The following JAK1 variants were observed in gnomAD, a reference collection of about 807,000 sequenced individuals.
JAK1 encodes tyrosine-protein kinase JAK1.
A neutral mutation model predicts 136.6 loss-of-function variants in JAK1; 16 were observed. That is an observed-to-expected ratio of 0.12 (90% confidence interval 0.08 to 0.18). The LOEUF (loss-of-function observed/expected upper bound fraction) is 0.18. JAK1 is among the 10% of genes least tolerant of loss of function. The pLI is 1.00. For missense variants in JAK1, 859 were observed against 1,450.1 expected (o/e 0.59, Z 6.62); for synonymous variants, 492 against 519.5 (o/e 0.95, Z 0.72).
upstream of JAK1, among the ~76,000 whole-genome samples, chr1:64,970,761 C>CAA (rs397862455): frequency 0.016 from 1,465 of 91,174 alleles, 41 homozygotes; most frequent in African/African-American, 0.046. Flanking sequence ...GACTCTGTCT[C>CAA]AAAAAAAAAA....
chr1:64,931,834 TAC>T (rs1457940219), intron 1 of JAK1, among the ~76,000 whole-genome samples: 2 of 152,090 alleles, frequency 1.3e-5, no homozygotes, highest in African/African-American at 4.8e-5. Flanking sequence ...ATACATAATG[TAC>T]ACACACAGAG....
At chr1:64,975,209 C>A (rs1467982337) in intron 2 of JAK1, among the ~76,000 whole-genome samples, 3 of 152,112 alleles carry the variant, frequency 2.0e-5, no homozygotes, top group African/African-American at 7.2e-5. Flanking sequence ...AGGTGATCAG[C>A]CTTAGCCTCC....
intron 20 of JAK1, among the ~76,000 whole-genome samples, chr1:64,838,886 T>C (rs186844951): frequency 6.1e-4 from 93 of 152,046 alleles, no homozygotes; most frequent in Middle Eastern, 3.4e-3. Flanking sequence ...TGGCTCACGC[T>C]TGTAATCCCA....
At position 64,834,429 on chromosome 1, in the gene JAK1, T is replaced by G. The variant is rs1384779264; in HGVS notation, c.*133A>C. 1.7e-5 allele frequency: 11 copies of G among 639,166 alleles called. No homozygotes were observed. Among genetic ancestry groups the G allele is most frequent in the Non-Finnish European group, 3.1e-5 (11 of 352,316 alleles). The allele number at this position is 639,166 out of a possible 1,614,324, so 39.6% of individuals were successfully genotyped here. On this transcript the variant is annotated 3_prime_UTR_variant, in exon 25 of 25. Transcript: ENST00000342505. Reference sequence around the variant, plus strand: ...GTGTGCCTTATACATGTATATGTACTGAAGTATGAGTTCAGTGACTTTTTG... The same window carrying G: ...GTGTGCCTTATACATGTATATGTACGGAAGTATGAGTTCAGTGACTTTTTG...
chr1:65,052,690 T>C (rs1647335356), intron 1 of JAK1, among the ~76,000 whole-genome samples: 1 of 151,952 alleles, frequency 6.6e-6, no homozygotes, highest in Non-Finnish European at 1.5e-5. Flanking sequence ...GGTGGGTGCC[T>C]GTAGTTCCAG....
Position 64,860,189 on chromosome 1 carries a change from G to A in JAK1, c.1250C>T (p.Ala417Val), listed in dbSNP as rs777303853. 6.2e-7 allele frequency: 1 copy of A among 1,611,124 alleles called. No homozygotes were observed. The highest frequency in any genetic ancestry group is 1.1e-5 in the South Asian group (1 of 90,788). The change falls in exon 9 of 25, where the codon GCA becomes GTA. Residue 417 changes from alanine to valine, a missense_variant. Ala to Val is a moderately conservative substitution (Grantham distance 64, BLOSUM62 0). Around this residue, in one of 4 missense-constraint regions of JAK1, gnomAD observed 409 missense variants for 753.8 expected, o/e 0.54. Transcript: ENST00000342505. Reference sequence around the variant, plus strand: ...GGTGCAGAGGTAATGATGGGCATCTGCTGTGAGCCGGAAGTAGCCATCTAC... The same window carrying A: ...GGTGCAGAGGTAATGATGGGCATCTACTGTGAGCCGGAAGTAGCCATCTAC... ...SLVDGYFRLT[A>V]DAHHYLCTDV... is the part of the protein sequence containing the mutation.
At chr1:64,989,029 T>TATAC (rs1343047707) in intron 2 of JAK1, among the ~76,000 whole-genome samples, 1 of 135,144 alleles carries the variant, frequency 7.4e-6, no homozygotes, top group Non-Finnish European at 1.5e-5. Context: ...TATATATATA[T>TATAC]AAAATACAGA....
At chr1:64,856,103 T>C (rs919475005) in intron 10 of JAK1, among the ~76,000 whole-genome samples, 2 of 152,138 alleles carry the variant, frequency 1.3e-5, no homozygotes, top group Non-Finnish European at 2.9e-5. Flanking sequence ...ATATATGAGG[T>C]AATAATTATG....
intron 8 of JAK1, among the ~76,000 whole-genome samples, chr1:64,861,095 A>T (rs1308078535): frequency 6.6e-6 from 1 of 152,022 alleles, no homozygotes; most frequent in African/African-American, 2.4e-5. Flanking sequence ...GAGGCACAAA[A>T]GTGGAGGTGG....
chr1:65,025,271 C>T (rs187028906), intron 2 of JAK1, among the ~76,000 whole-genome samples: 38 of 152,256 alleles, frequency 2.5e-4, no homozygotes, highest in Non-Finnish European at 2.5e-4. Flanking sequence ...ATTCCCGAAG[C>T]AATGGTTAGA....
At position 64,984,774 on chromosome 1, in the gene JAK1, G is replaced by T; in HGVS notation, c.-78+59706C>A. On this transcript the variant is annotated intron_variant, in intron 2 of 25. Transcript: ENST00000671954. The surrounding 1 kb of genome is among the most constrained non-coding windows in gnomAD (Gnocchi z 4.1). ...TTTGAAGAAGGTAAAGATCAAGAAG[G>T]TAATGAGGAAGTCGGTGAAGATAAT... The T allele has an allele frequency of 6.0e-6, 6 of 1,006,320 alleles. No individual in the cohort carries two copies. The highest frequency in any genetic ancestry group is 9.1e-6 in the Non-Finnish European group (6 of 662,462). The allele number at this position is 1,006,320 out of a possible 1,614,324, so 62.3% of individuals were successfully genotyped here. A position where few individuals can be genotyped will look rare whatever the true frequency, so the allele number is the denominator to read the frequency against.
intron 11 of JAK1, among the ~76,000 whole-genome samples, chr1:64,852,174 A>G (rs1655643179): frequency 6.6e-6 from 1 of 152,122 alleles, no homozygotes; most frequent in Non-Finnish European, 1.5e-5. Flanking sequence ...ATACACATTA[A>G]CTCCTTTGTC....
At chr1:64,883,592 G>C in intron 2 of JAK1, 117 bp from the exon 3 acceptor site, 1 of 753,200 alleles carries the variant, frequency 1.3e-6, no homozygotes, top group Non-Finnish European at 2.2e-6. Flanking sequence ...TATTGGATAC[G>C]TACCTCTCCC....
intron 2 of JAK1, among the ~76,000 whole-genome samples, chr1:65,016,148 C>G (rs972677545): frequency 6.6e-6 from 1 of 152,072 alleles, no homozygotes; most frequent in African/African-American, 2.4e-5. Context: ...TAGGAAAATT[C>G]GTAGAAATGT....
chr1:64,875,359 G>A (rs533007857), intron 4 of JAK1, among the ~76,000 whole-genome samples: 2 of 152,356 alleles, frequency 1.3e-5, no homozygotes, highest in South Asian at 4.1e-4. Context: ...GAAGCCCCAT[G>A]GAAGATAGAA....
At chr1:64,970,687 C>G (rs1272142212), upstream of JAK1, among the ~76,000 whole-genome samples, 1 of 151,288 alleles carries the variant, frequency 6.6e-6, no homozygotes, top group Non-Finnish European at 1.5e-5. Context: ...CCGCTTGAAC[C>G]TGGGAGGCGG....
At chr1:64,900,437 A>G (rs567932282) in intron 1 of JAK1, among the ~76,000 whole-genome samples, 46 of 146,070 alleles carry the variant, frequency 3.1e-4, no homozygotes, top group African/African-American at 1.2e-3. Context: ...TAAGCACAAG[A>G]CTTAAGCATT....
intron 1 of JAK1, among the ~76,000 whole-genome samples, chr1:65,063,272 C>G: frequency 6.6e-6 from 1 of 152,174 alleles, no homozygotes; most frequent in Non-Finnish European, 1.5e-5. Flanking sequence ...TTTCCGGTAC[C>G]TTTTGCTATG....
At chr1:65,010,251 T>C (rs1646837365) in intron 2 of JAK1, among the ~76,000 whole-genome samples, 1 of 152,192 alleles carries the variant, frequency 6.6e-6, no homozygotes, top group Non-Finnish European at 1.5e-5. Flanking sequence ...GACTAAGACA[T>C]ACAAGGCACT....
Sources: gnomAD v4.1 joint callset for allele counts (sites outside exome capture counted in the v4.1 genomes callset) on GRCh38, gnomAD v4.1.1 for gene constraint, gnomAD v4.1.1 regional missense constraint, Gnocchi (gnomAD v3.1) non-coding constraint, MANE v1.5 for transcripts, NCBI Gene and HGNC (gene_info 2026-07-23, HGNC 2026-07-21) for gene names.